The following CACNB3 variants were observed in gnomAD, a reference collection of about 807,000 sequenced individuals.
The protein encoded by CACNB3 is calcium voltage-gated channel auxiliary subunit beta 3.
In CACNB3, 36 loss-of-function variants were observed where a neutral mutation model predicts 63.7. The ratio of observed to expected loss-of-function variants is 0.57; its 90% CI spans 0.43 to 0.75. The LOEUF (loss-of-function observed/expected upper bound fraction) is 0.75, where lower values mean the gene tolerates loss of function less well. Ranked by LOEUF, CACNB3 falls within the 30% of genes least tolerant of loss-of-function variation. CACNB3 has a pLI of 0.00. For synonymous variants in CACNB3, 241 were observed against 250.6 expected (o/e 0.96, Z 0.36); for missense variants, 493 against 648.6 (o/e 0.76, Z 2.61).
chr12:48,826,753 G>A lies in CACNB3; in HGVS notation c.895-6G>A, dbSNP rs114014544. The A allele has an allele frequency of 1.5e-3, 2,453 of 1,612,196 alleles. 1 individual carries two copies. Among genetic ancestry groups the A allele is most frequent in the African/African-American group, 9.3e-3 (700 of 74,944 alleles). On this transcript the variant is annotated splice_polypyrimidine_tract_variant and splice_region_variant and intron_variant, in intron 10 of 12. Transcript: ENST00000301050. This position sits in a 1 kb window ranked among gnomAD's most constrained non-coding sequence, Gnocchi z 4.8. ...CTCCAGGCCTAGCTCTGCCCTCCCCGCTCAGGTACTCCAGCGTCTCATTCG... is the reference window on the plus strand; with the variant it reads ...CTCCAGGCCTAGCTCTGCCCTCCCCACTCAGGTACTCCAGCGTCTCATTCG...
At chr12:48,815,449 C>A, upstream of CACNB3, 1 of 925,694 alleles carries the variant, frequency 1.1e-6, no homozygotes, top group Non-Finnish European at 1.6e-6. Context: ...GGCTGAAAGG[C>A]AGGGAGAGCC....
rs1343424603 is a variant in CACNB3, at chr12:48,818,673, C to A, written c.-257C>A. ...GGGCGGGCACTATTGTTGTAGGAGC[C>A]GGCGCCAGATTCCTCAGCCGCGCTC... On this transcript the variant is annotated 5_prime_UTR_variant, in exon 1 of 13. Coordinates refer to ENST00000301050, the MANE Select transcript of CACNB3 (RefSeq NM_000725.4). The surrounding 1 kb of genome is among the most constrained non-coding windows in gnomAD (Gnocchi z 4.3). 5 of 1,187,950 alleles carry A rather than the reference C, an allele frequency of 4.2e-6. No homozygotes were observed. The Admixed American group carries it at 1.8e-4, about 43-fold the overall frequency. The allele number at this position is 1,187,950 out of a possible 1,614,324, so 73.6% of individuals were successfully genotyped here.
At position 48,818,770 on chromosome 12, in the gene CACNB3, T is replaced by C. The variant is rs1016172450; in HGVS notation, c.-160T>C. Reference sequence around the variant, plus strand: ...GATCTGAGCTCCGAGCAGCTGGTCTTCGCGGCTCGCTCCCTCCTTCGCGCT... The same window carrying C: ...GATCTGAGCTCCGAGCAGCTGGTCTCCGCGGCTCGCTCCCTCCTTCGCGCT... On this transcript the variant is annotated 5_prime_UTR_variant, in exon 1 of 13. Transcript: ENST00000301050. This position sits in a 1 kb window ranked among gnomAD's most constrained non-coding sequence, Gnocchi z 4.3. 2.1e-4 allele frequency: 277 copies of C among 1,344,514 alleles called. No individual in the cohort carries two copies. The highest frequency in any genetic ancestry group is 2.5e-4 in the Non-Finnish European group (257 of 1,048,188). The allele number at this position is 1,344,514 out of a possible 1,614,324, so 83.3% of individuals were successfully genotyped here. A position where few individuals can be genotyped will look rare whatever the true frequency, so the allele number is the denominator to read the frequency against.
Position 48,818,929 on chromosome 12 carries a change from C to A in CACNB3, c.-1C>A. ...CTCGCTCCCCCGACCCGGACTCCCC[C>A]ATGTATGACGACTCCTACGTGCCCG... On this transcript the variant is annotated 5_prime_UTR_variant, in exon 1 of 13. Transcript: ENST00000301050. This position sits in a 1 kb window ranked among gnomAD's most constrained non-coding sequence, Gnocchi z 4.3. 6.3e-7 allele frequency: 1 copy of A among 1,594,424 alleles called. No homozygotes were observed. The highest frequency in any genetic ancestry group is 8.5e-7 in the Non-Finnish European group (1 of 1,170,694).
chr12:48,826,312 G>T lies in CACNB3; in HGVS notation c.743-55G>T. On this transcript the variant is annotated intron_variant, in intron 9 of 12. Transcript: ENST00000301050. This position sits in a 1 kb window ranked among gnomAD's most constrained non-coding sequence, Gnocchi z 4.8. Reference sequence around the variant, plus strand: ...CATTCGGGAGCCCTCAAAGCCTGCTGGAGTGAGCAGTGGGCAGAGCTCCTG... The same window carrying T: ...CATTCGGGAGCCCTCAAAGCCTGCTTGAGTGAGCAGTGGGCAGAGCTCCTG... 2 of 1,595,286 alleles carry T rather than the reference G, an allele frequency of 1.3e-6. No individual in the cohort carries two copies. Among genetic ancestry groups the T allele is most frequent in the Non-Finnish European group, 1.7e-6 (2 of 1,163,716 alleles).
chr12:48,824,527 A>G, intron 4 of CACNB3, 142 bp from the exon 5 acceptor site: 3 of 1,048,844 alleles, frequency 2.9e-6, no homozygotes, highest in Non-Finnish European at 4.2e-6. Context: ...ACAAATCTAC[A>G]AACACACACA....
Position 48,823,811 on chromosome 12 carries a change from A to AC in CACNB3, c.291+14dup. 3.1e-6 allele frequency: 5 copies of AC among 1,612,220 alleles called. No homozygotes were observed. Among genetic ancestry groups the AC allele is most frequent in the African/African-American group, 1.3e-5 (1 of 74,474 alleles). On this transcript the variant is annotated intron_variant, in intron 3 of 12. Coordinates refer to ENST00000301050, the MANE Select transcript of CACNB3 (RefSeq NM_000725.4). The surrounding 1 kb of genome is among the most constrained non-coding windows in gnomAD (Gnocchi z 4.2). ...TTTCTGCACATTAAAGAGGTGATCG[A>AC]CCCCCCTACTTCCAGAAGCCTCTAA...
chr12:48,818,602 G>A lies in CACNB3; in HGVS notation c.-328G>A, dbSNP rs2137438660. On this transcript the variant is annotated 5_prime_UTR_variant, in exon 1 of 13. Transcript: ENST00000301050. This position sits in a 1 kb window ranked among gnomAD's most constrained non-coding sequence, Gnocchi z 4.3. ...GCCTGGCCCGGGCTCCCCGGTGGCCGCCGCCCCCTCGCCGCCCCCGCCTTC... is the reference window on the plus strand; with the variant it reads ...GCCTGGCCCGGGCTCCCCGGTGGCCACCGCCCCCTCGCCGCCCCCGCCTTC... 9.2e-7 allele frequency: 1 copy of A among 1,089,628 alleles called. No individual in the cohort carries two copies. Among genetic ancestry groups the A allele is most frequent in the African/African-American group, 1.7e-5 (1 of 59,588 alleles). The allele number at this position is 1,089,628 out of a possible 1,614,324, so 67.5% of individuals were successfully genotyped here.
chr12:48,828,774 T>C lies in CACNB3; in HGVS notation c.*875T>C, dbSNP rs1938288825. Reference sequence around the variant, plus strand: ...CGGGCTCCAGACTTTGTTCCCTGACTCATAGCTGCCGCTTGTTAGGTTAGG... The same window carrying C: ...CGGGCTCCAGACTTTGTTCCCTGACCCATAGCTGCCGCTTGTTAGGTTAGG... On this transcript the variant is annotated 3_prime_UTR_variant, in exon 13 of 13. Transcript: ENST00000301050. The C allele has an allele frequency of 2.2e-6, 1 of 456,332 alleles. No individual in the cohort carries two copies. 28.3% of individuals were successfully genotyped at this position (456,332 alleles called of 1,614,324 possible).
Position 48,818,967 on chromosome 12 carries a change from C to A in CACNB3, c.38C>A (p.Ser13Ter). 6.2e-7 allele frequency: 1 copy of A among 1,605,156 alleles called. No homozygotes were observed. The highest frequency in any genetic ancestry group is 1.7e-5 in the Admixed American group (1 of 59,186). The change falls in exon 1 of 13, where the codon TCG becomes TAG. Residue 13 changes from serine to a stop codon, truncating the protein, a stop_gained. Transcript: ENST00000301050. LOFTEE classifies it high-confidence loss of function. The surrounding 1 kb of genome is among the most constrained non-coding windows in gnomAD (Gnocchi z 4.3). ...DDSYVPGFED[S>*]EAGSADSYTS... ...TCCTACGTGCCCGGGTTTGAGGACTCGGAGGCGGTGAGTGCCCACGATGAG... is the reference window on the plus strand; with the variant it reads ...TCCTACGTGCCCGGGTTTGAGGACTAGGAGGCGGTGAGTGCCCACGATGAG...
intron 1 of CACNB3, chr12:48,820,588 C>G (rs1327622799): frequency 1.3e-5 from 2 of 152,380 alleles, no homozygotes; most frequent in Admixed American, 1.3e-4. Context: ...TGCCCACACA[C>G]TCACTAGGCA....
chr12:48,818,710 G>A lies in CACNB3; in HGVS notation c.-220G>A. ...CCTCAGCCGCGCTCGGGGTGGGACC[G>A]GCTGGGTTTGGGGGGGTGGGGTGGG... is the stretch of plus-strand genomic sequence containing the variant. On this transcript the variant is annotated 5_prime_UTR_variant, in exon 1 of 13. Coordinates refer to ENST00000301050, the MANE Select transcript of CACNB3 (RefSeq NM_000725.4). The surrounding 1 kb of genome is among the most constrained non-coding windows in gnomAD (Gnocchi z 4.3). 4 of 1,270,884 alleles carry A rather than the reference G, an allele frequency of 3.1e-6. No individual in the cohort carries two copies. The highest frequency in any genetic ancestry group is 1.6e-5 in the African/African-American group (1 of 63,216). 78.7% of individuals were successfully genotyped at this position (1,270,884 alleles called of 1,614,324 possible).
upstream of CACNB3, chr12:48,818,278 C>G (rs1181589289): frequency 6.0e-6 from 1 of 165,530 alleles, no homozygotes; most frequent in Non-Finnish European, 1.2e-5. The surrounding 1 kb of genome is among the most constrained non-coding windows in gnomAD (Gnocchi z 4.3). Flanking sequence ...CTCCGTCCTC[C>G]CTCTGCCTCT....
chr12:48,825,827 TC>T lies in CACNB3; in HGVS notation c.742+60del. On this transcript the variant is annotated intron_variant, in intron 9 of 12. Coordinates refer to ENST00000301050, the MANE Select transcript of CACNB3 (RefSeq NM_000725.4). The surrounding 1 kb of genome is among the most constrained non-coding windows in gnomAD (Gnocchi z 4.5). ...ACTCAAGTGCCAGTGAGAACCTTCC[TC>T]CTCCCTTTTCTTTTTTTTGAGATGG... 1 of 1,212,808 alleles carries T rather than the reference TC, an allele frequency of 8.2e-7. No individual in the cohort carries two copies. The highest frequency in any genetic ancestry group is 1.2e-6 in the Non-Finnish European group (1 of 830,600). 75.1% of individuals were successfully genotyped at this position (1,212,808 alleles called of 1,614,324 possible).
Position 48,827,788 on chromosome 12 carries a change from T to C in CACNB3, c.1344T>C (p.Pro448=). Residue 448 remains proline, a synonymous_variant, in exon 13 of 13, where the codon CCT becomes CCC. Transcript: ENST00000301050. The part of the protein sequence containing the change: ...QPHRQHTSGL[P]SANGHDPQDR... ...ACCGCCAACACACCTCGGGGCTGCC[T>C]AGTGCTAACGGGCATGACCCCCAAG... 4 of 1,614,100 alleles carry C rather than the reference T, an allele frequency of 2.5e-6. No individual in the cohort carries two copies. Among genetic ancestry groups the C allele is most frequent in the Non-Finnish European group, 2.5e-6 (3 of 1,179,964 alleles).
intron 4 of CACNB3, 136 bp from the exon 5 acceptor site, chr12:48,824,533 A>G: frequency 9.5e-7 from 1 of 1,050,872 alleles, no homozygotes; most frequent in Non-Finnish European, 1.4e-6. Flanking sequence ...CTACAAACAC[A>G]CACACATATT....
Position 48,823,247 on chromosome 12 carries a change from C to G in CACNB3, c.46-97C>G, listed in dbSNP as rs1937949048. 10 of 1,467,686 alleles carry G rather than the reference C, an allele frequency of 6.8e-6. No homozygotes were observed. The highest frequency in any genetic ancestry group is 2.0e-5 in the Admixed American group (1 of 48,950). The allele number at this position is 1,467,686 out of a possible 1,614,324, so 90.9% of individuals were successfully genotyped here. A position where few individuals can be genotyped will look rare whatever the true frequency, so the allele number is the denominator to read the frequency against. ...AGCTATCCCCTTGGAGATGGAGAAACTGGGGGCAATAGAGGCAACACTGTA... is the reference window on the plus strand; with the variant it reads ...AGCTATCCCCTTGGAGATGGAGAAAGTGGGGGCAATAGAGGCAACACTGTA... On this transcript the variant is annotated intron_variant, in intron 1 of 12. Coordinates refer to ENST00000301050, the MANE Select transcript of CACNB3 (RefSeq NM_000725.4). This position sits in a 1 kb window ranked among gnomAD's most constrained non-coding sequence, Gnocchi z 4.2.
At chr12:48,815,503 G>A (rs1942262750), upstream of CACNB3, 1 of 1,381,922 alleles carries the variant, frequency 7.2e-7, no homozygotes, top group East Asian at 2.5e-5. Context: ...GAGGGAGGGA[G>A]GGAGGAGGGA....
At position 48,823,671 on chromosome 12, in the gene CACNB3, A is replaced by G. The variant is rs1470317927; in HGVS notation, c.169-10A>G. 1.2e-6 allele frequency: 2 copies of G among 1,614,072 alleles called. No individual in the cohort carries two copies. The highest frequency in any genetic ancestry group is 1.1e-5 in the South Asian group (1 of 91,078). ...CTTCTCTCACTTGCACTAATGGGCAAATTCTCCAGCACAAACCTGTGGCAT... is the reference window on the plus strand; with the variant it reads ...CTTCTCTCACTTGCACTAATGGGCAGATTCTCCAGCACAAACCTGTGGCAT... On this transcript the variant is annotated splice_polypyrimidine_tract_variant and intron_variant, in intron 2 of 12. Transcript: ENST00000301050. This position sits in a 1 kb window ranked among gnomAD's most constrained non-coding sequence, Gnocchi z 4.2.
Sources: gnomAD v4.1 joint callset for allele counts on GRCh38, gnomAD v4.1.1 for gene constraint, Gnocchi (gnomAD v3.1) non-coding constraint, MANE v1.5 for transcripts, NCBI Gene and HGNC (gene_info 2026-07-23, HGNC 2026-07-21) for gene names.